CRMP1: variants seen among roughly 807,000 people sequenced by gnomAD.
The protein encoded by CRMP1 is collapsin response mediator protein 1, also known as dihydropyrimidinase-related protein 1.
A neutral mutation model predicts 68.3 loss-of-function variants in CRMP1; 19 were observed. That is an observed-to-expected ratio of 0.28 (90% confidence interval 0.19 to 0.41). CRMP1 has a LOEUF of 0.41. CRMP1 is among the 10% of genes least tolerant of loss of function. The pLI, the probability that CRMP1 is intolerant of heterozygous loss-of-function variation, is 1.00. For synonymous variants in CRMP1, 439 were observed against 399.6 expected (o/e 1.10, Z -1.18); for missense variants, 791 against 967.4 (o/e 0.82, Z 2.42).
In CRMP1 at chr4:5,859,260, G is replaced by T. The variant is rs1472261910; in HGVS notation, c.655+1766C>A. On this transcript the variant is annotated intron_variant, in intron 3 of 13. Transcript: ENST00000324989. The surrounding 1 kb of genome is among the most constrained non-coding windows in gnomAD (Gnocchi z 5.2). ...CAGAGCCCTGGACTGTTGTCCTCGT[G>T]TGCTTTCATAGGCTCTTGTTCCATG... Among the ~76,000 whole-genome samples, 1 of 152,190 alleles carries T rather than the reference G, an allele frequency of 6.6e-6. No homozygotes were observed. The highest frequency in any genetic ancestry group is 1.5e-5 in the Non-Finnish European group (1 of 68,038).
At chr4:5,887,631 C>A in intron 1 of CRMP1, 3 of 985,098 alleles carry the variant, frequency 3.0e-6, no homozygotes, top group Non-Finnish European at 3.6e-6. Context: ...CCTTCCCGGG[C>A]CGCAGCCGCC....
At position 5,841,603 on chromosome 4, in the gene CRMP1, G is replaced by A. The variant is rs190608680; in HGVS notation, c.1033-175C>T. On this transcript the variant is annotated intron_variant, in intron 7 of 13. Coordinates refer to ENST00000324989, the MANE Select transcript of CRMP1 (RefSeq NM_001014809.3). The surrounding 1 kb of genome is among the most constrained non-coding windows in gnomAD (Gnocchi z 6.9). ...CCCCTGCTCTCCGGGGTGGAGCATT[G>A]GTCTCACGCTGGGATACGGCAGCAA... 6.6e-6 allele frequency among the ~76,000 whole-genome samples: 1 copy of A among 152,310 alleles called. No individual in the cohort carries two copies. The highest frequency in any genetic ancestry group is 2.4e-5 in the African/African-American group (1 of 41,564).
At chr4:5,846,528 A>G (rs993509072) in intron 6 of CRMP1, among the ~76,000 whole-genome samples, 7 of 152,076 alleles carry the variant, frequency 4.6e-5, no homozygotes, top group African/African-American at 1.7e-4. Context: ...GAGTTGCCTT[A>G]GCAAAATACT....
chr4:5,886,831 T>C (rs150890353), intron 1 of CRMP1, among the ~76,000 whole-genome samples: 244 of 152,336 alleles, frequency 1.6e-3, no homozygotes, highest in African/African-American at 5.6e-3. Context: ...TGTGTTCTAG[T>C]GATTCTTGAC....
rs1208490805 is a variant in CRMP1 at position 5,888,202 on chromosome 4, G to A, written c.381+4387C>T. 7.2e-6 allele frequency: 9 copies of A among 1,257,340 alleles called. No individual in the cohort carries two copies. The highest frequency in any genetic ancestry group is 9.0e-6 in the Non-Finnish European group (9 of 997,564). 77.9% of individuals were successfully genotyped at this position (1,257,340 alleles called of 1,614,324 possible). A position where few individuals can be genotyped will look rare whatever the true frequency, so the allele number is the denominator to read the frequency against. On this transcript the variant is annotated intron_variant, in intron 1 of 13. Transcript: ENST00000324989. This position sits in a 1 kb window ranked among gnomAD's most constrained non-coding sequence, Gnocchi z 6.4. ...CTCCCAGCCCACAAAGGCCAGCGCG[G>A]GGCGGCGGGGGCGGGGGCCGCTTAC...
chr4:5,850,286 G>C lies in CRMP1; in HGVS notation c.883-814C>G, dbSNP rs1712525756. ...GCACTTTTGAGAACCTGCACGCAGAGGCTGCTCGATTCCATCCATGCCCAT... is the reference window on the plus strand; with the variant it reads ...GCACTTTTGAGAACCTGCACGCAGACGCTGCTCGATTCCATCCATGCCCAT... On this transcript the variant is annotated intron_variant, in intron 5 of 13. Coordinates refer to ENST00000324989, the MANE Select transcript of CRMP1 (RefSeq NM_001014809.3). This position sits in a 1 kb window ranked among gnomAD's most constrained non-coding sequence, Gnocchi z 4.4. Among the ~76,000 whole-genome samples, 1 of 152,208 alleles carries C rather than the reference G, an allele frequency of 6.6e-6. No homozygotes were observed. The highest frequency in any genetic ancestry group is 2.4e-5 in the African/African-American group (1 of 41,458).
At chr4:5,837,317 G>C (rs1328232562) in intron 9 of CRMP1, among the ~76,000 whole-genome samples, 1 of 152,026 alleles carries the variant, frequency 6.6e-6, no homozygotes, top group East Asian at 1.9e-4. Flanking sequence ...GCCCTGAGCT[G>C]AACACCTAAG....
At position 5,825,301 on chromosome 4, in the gene CRMP1, A is replaced by AC. The variant is rs1719366944; in HGVS notation, c.1969+192dup. 9 of 984,146 alleles carry AC rather than the reference A, an allele frequency of 9.1e-6. No homozygotes were observed. Among genetic ancestry groups the AC allele is most frequent in the Non-Finnish European group, 1.1e-5 (9 of 829,678 alleles). 61.0% of individuals were successfully genotyped at this position (984,146 alleles called of 1,614,324 possible). ...CCACCATGTTGCCCCCCTAACATGG[A>AC]CCCCCCTCTGCTTGGTGACCATGCC... On this transcript the variant is annotated intron_variant, in intron 13 of 13. Transcript: ENST00000324989. This position sits in a 1 kb window ranked among gnomAD's most constrained non-coding sequence, Gnocchi z 4.4.
chr4:5,872,973 C>A lies in CRMP1; in HGVS notation c.382-6217G>T, dbSNP rs555955014. On this transcript the variant is annotated intron_variant, in intron 1 of 13. Coordinates refer to ENST00000324989, the MANE Select transcript of CRMP1 (RefSeq NM_001014809.3). The surrounding 1 kb of genome is among the most constrained non-coding windows in gnomAD (Gnocchi z 4.6). ...TATGAGATGGGGATAATTGGCTCTG[C>A]GTCCTAGGCATGTATTTGAAGTGCT... 1.3e-5 allele frequency among the ~76,000 whole-genome samples: 2 copies of A among 152,310 alleles called. No individual in the cohort carries two copies. The highest frequency in any genetic ancestry group is 3.9e-4 in the East Asian group (2 of 5,182).
chr4:5,845,766 A>C (rs1979427), intron 6 of CRMP1, among the ~76,000 whole-genome samples: 93,504 of 152,140 alleles, frequency 0.61, 30,559 homozygotes, highest in East Asian at 0.86. Context: ...GTGGAAGAGG[A>C]TCTGGAACCA....
chr4:5,882,578 A>G (rs1464632978), intron 1 of CRMP1, among the ~76,000 whole-genome samples: 1 of 152,240 alleles, frequency 6.6e-6, no homozygotes. Context: ...AAATCTTAGG[A>G]AATATCATTC....
At position 5,841,161 on chromosome 4, in the gene CRMP1, C is replaced by T. The variant is rs1218775630; in HGVS notation, c.1153+147G>A. 1.6e-5 allele frequency: 19 copies of T among 1,205,302 alleles called. No individual in the cohort carries two copies. The highest frequency in any genetic ancestry group is 2.0e-5 in the Non-Finnish European group (17 of 839,642). The allele number at this position is 1,205,302 out of a possible 1,614,324, so 74.7% of individuals were successfully genotyped here. Reference sequence around the variant, plus strand: ...GGTCATTGGGACCAAAGAATTCCAGCCACCATCCTTGTGTCAGGAGCATCC... The same window carrying T: ...GGTCATTGGGACCAAAGAATTCCAGTCACCATCCTTGTGTCAGGAGCATCC... On this transcript the variant is annotated intron_variant, in intron 8 of 13. Coordinates refer to ENST00000324989, the MANE Select transcript of CRMP1 (RefSeq NM_001014809.3). This position sits in a 1 kb window ranked among gnomAD's most constrained non-coding sequence, Gnocchi z 6.9.
At chr4:5,845,650 T>C (rs1712132366) in intron 6 of CRMP1, among the ~76,000 whole-genome samples, 1 of 152,236 alleles carries the variant, frequency 6.6e-6, no homozygotes, top group African/African-American at 2.4e-5. Flanking sequence ...TGAGATAATT[T>C]GCTTTAAGAC....
In CRMP1 at chr4:5,841,293, G is replaced by A. The variant is rs2152459891; in HGVS notation, c.1153+15C>T. The A allele has an allele frequency of 1.2e-6, 2 of 1,613,894 alleles. No homozygotes were observed. Among genetic ancestry groups the A allele is most frequent in the Admixed American group, 1.7e-5 (1 of 60,018 alleles). ...GCCCCAGCTGCCCCCAGAAGGCCCA[G>A]GGCCGGCTGCATACCTTTCTTCCTG... On this transcript the variant is annotated intron_variant, in intron 8 of 13. Transcript: ENST00000324989. The surrounding 1 kb of genome is among the most constrained non-coding windows in gnomAD (Gnocchi z 6.9).
Position 5,861,176 on chromosome 4 carries a change from C to T in CRMP1, c.505G>A (p.Val169Met). 6.2e-7 allele frequency: 1 copy of T among 1,614,208 alleles called. No homozygotes were observed. Among genetic ancestry groups the T allele is most frequent in the Non-Finnish European group, 8.5e-7 (1 of 1,180,038 alleles). ...IGENLIVPGG[V>M]KTIEANGRMV... ...CGCCCGTTGGCTTCAATGGTCTTCA[C>T]TCCACCAGGAACGATTAAGTTCTCT... Residue 169 changes from valine to methionine, a missense_variant, in exon 3 of 14, where the codon GTG (valine) becomes ATG (methionine). Transcript: ENST00000324989. The surrounding 1 kb of genome is among the most constrained non-coding windows in gnomAD (Gnocchi z 6.0).
rs1327192480 is a variant in CRMP1 at position 5,865,804 on chromosome 4, G to A, written c.470+864C>T. Among the ~76,000 whole-genome samples the A allele has an allele frequency of 6.6e-6, 1 of 151,950 alleles. No individual in the cohort carries two copies. The highest frequency in any genetic ancestry group is 1.5e-5 in the Non-Finnish European group (1 of 68,000). ...GAATGAGGCCACAGGAGTGGGGCTG[G>A]AATCCAACAAAACTGGTGACCTTAG... On this transcript the variant is annotated intron_variant, in intron 2 of 13. Coordinates refer to ENST00000324989, the MANE Select transcript of CRMP1 (RefSeq NM_001014809.3). The surrounding 1 kb of genome is among the most constrained non-coding windows in gnomAD (Gnocchi z 4.1).
intron 1 of CRMP1, among the ~76,000 whole-genome samples, chr4:5,869,241 C>T (rs1714262429): frequency 6.6e-6 from 1 of 152,158 alleles, no homozygotes; most frequent in Non-Finnish European, 1.5e-5. Flanking sequence ...GTGTGAGCCA[C>T]CGTGCCTTGG....
intron 1 of CRMP1, among the ~76,000 whole-genome samples, chr4:5,887,185 C>G (rs1715650683): frequency 6.6e-6 from 1 of 152,264 alleles, no homozygotes; most frequent in African/African-American, 2.4e-5. Flanking sequence ...ATACACGGGA[C>G]AGGCCACTGG....
chr4:5,861,358 C>T lies in CRMP1; in HGVS notation c.471-148G>A. On this transcript the variant is annotated intron_variant, in intron 2 of 13. Coordinates refer to ENST00000324989, the MANE Select transcript of CRMP1 (RefSeq NM_001014809.3). The surrounding 1 kb of genome is among the most constrained non-coding windows in gnomAD (Gnocchi z 6.0). ...AGACAGAGATAACTCAGGCAGGGCA[C>T]ATGCCCTCAAGGGGCTCATAGTCTA... is the stretch of plus-strand genomic sequence containing the variant. 1.3e-6 allele frequency: 1 copy of T among 768,716 alleles called. No homozygotes were observed. 47.6% of individuals were successfully genotyped at this position (768,716 alleles called of 1,614,324 possible). A position where few individuals can be genotyped will look rare whatever the true frequency, so the allele number is the denominator to read the frequency against.
Sources: gnomAD v4.1 joint callset for allele counts (sites outside exome capture counted in the v4.1 genomes callset) on GRCh38, gnomAD v4.1.1 for gene constraint, Gnocchi (gnomAD v3.1) non-coding constraint, MANE v1.5 for transcripts, NCBI Gene and HGNC (gene_info 2026-07-23, HGNC 2026-07-21) for gene names.